Variants in CD274 observed in about 807,000 individuals in gnomAD.
CD274 encodes the protein CD274 molecule, also known as programmed cell death 1 ligand 1.
Under a neutral mutation model 30.1 loss-of-function variants are expected in CD274, and 8 were observed. That is an observed-to-expected ratio of 0.27 (90% confidence interval 0.16 to 0.48). CD274 has a LOEUF of 0.48. Among genes scored for constraint, CD274 ranks in the 20% least tolerant of loss-of-function variants. The pLI, the probability that CD274 is intolerant of heterozygous loss-of-function variation, is 0.99. For missense variants in CD274, 353 were observed against 346.6 expected, an observed-to-expected ratio of 1.02 and a Z score of -0.15; for synonymous variants, 152 against 124.6, an observed-to-expected ratio of 1.22 and a Z score of -1.46.
chr9:5,460,718 T>C (rs1563804096), intron 3 of CD274, among the ~76,000 whole-genome samples: 1 of 152,190 alleles, frequency 6.6e-6, no homozygotes, highest in Non-Finnish European at 1.5e-5. Flanking sequence ...TATGTTGACT[T>C]CAAAACTATC....
At chr9:5,456,689 A>T (rs1819310273) in intron 2 of CD274, among the ~76,000 whole-genome samples, 1 of 152,262 alleles carries the variant, frequency 6.6e-6, no homozygotes, top group African/African-American at 2.4e-5. Flanking sequence ...AAAAGAGATG[A>T]CTGTTAGAAT....
rs1229190468 is a variant in CD274, at chr9:5,469,518, A to T, written c.*1656A>T. The T allele has an allele frequency of 8.6e-6, 2 of 231,282 alleles. No individual in the cohort carries two copies. The highest frequency in any genetic ancestry group is 1.2e-4 in the East Asian group (2 of 16,240). The allele number at this position is 231,282 out of a possible 1,614,324, so 14.3% of individuals were successfully genotyped here. A position where few individuals can be genotyped will look rare whatever the true frequency, so the allele number is the denominator to read the frequency against. ...AAATTTTTTTCCTAAATAGTAACAC[A>T]TTGTATGTCTGCTGTGTACTTTGCT... On this transcript the variant is annotated 3_prime_UTR_variant, in exon 7 of 7. Transcript: ENST00000381577.
At chr9:5,458,630 A>T (rs567021858) in intron 3 of CD274, among the ~76,000 whole-genome samples, 1 of 152,368 alleles carries the variant, frequency 6.6e-6, no homozygotes, top group South Asian at 2.1e-4. Flanking sequence ...TGATAACTAT[A>T]AACTCAAAAA....
chr9:5,464,167 G>C (rs548837397), intron 4 of CD274, among the ~76,000 whole-genome samples: 1 of 152,136 alleles, frequency 6.6e-6, no homozygotes, highest in African/African-American at 2.4e-5. Context: ...ACTGGGGTAC[G>C]AGTCCTCAGG....
At chr9:5,459,768 G>A (rs1799726739) in intron 3 of CD274, among the ~76,000 whole-genome samples, 1 of 152,108 alleles carries the variant, frequency 6.6e-6, no homozygotes, top group Non-Finnish European at 1.5e-5. Flanking sequence ...AAAACGAAAT[G>A]TTCATTCAGA....
At chr9:5,460,407 A>G (rs1819383291) in intron 3 of CD274, among the ~76,000 whole-genome samples, 1 of 152,068 alleles carries the variant, frequency 6.6e-6, no homozygotes. Context: ...TCCTCCTGGA[A>G]ATGACTCTAG....
intron 3 of CD274, 150 bp downstream of exon 3, chr9:5,457,570 T>A (rs989841193): frequency 1.8e-5 from 12 of 674,556 alleles, no homozygotes; most frequent in Non-Finnish European, 2.7e-5. Flanking sequence ...TTCATTCACA[T>A]AATTATCCAA....
Position 5,457,260 on chromosome 9 carries a change from T to C in CD274, c.234T>C (p.His78=), listed in dbSNP as rs2131212082. 3 of 1,614,052 alleles carry C rather than the reference T, an allele frequency of 1.9e-6. No individual in the cohort carries two copies. Among genetic ancestry groups the C allele is most frequent in the Non-Finnish European group, 2.5e-6 (3 of 1,179,978 alleles). Residue 78 remains histidine (H), a synonymous_variant, in exon 3 of 7, where the codon CAT becomes CAC. Coordinates refer to ENST00000381577, the MANE Select transcript of CD274 (RefSeq NM_014143.4). The part of the protein sequence containing the change: ...VHGEEDLKVQ[H]SSYRQRARLL... The stretch of plus-strand genomic sequence containing the variant: ...GAGAGGAAGACCTGAAGGTTCAGCA[T>C]AGTAGCTACAGACAGAGGGCCCGGC...
chr9:5,462,866 G>A lies in CD274; in HGVS notation c.427G>A (p.Val143Ile), dbSNP rs1442730971. Residue 143 changes from valine to isoleucine, a missense_variant, in exon 4 of 7, where the codon GTT (valine) becomes ATT (isoleucine). Physicochemically the swap from Val to Ile is conservative, Grantham distance 29 (BLOSUM62 3). Transcript: ENST00000381577. ...PYNKINQRIL[V>I]VDPVTSEHEL... is the part of the protein sequence containing the mutation. ...CAACAAAATCAACCAAAGAATTTTGGTTGTGGATCCAGTCACCTCTGAACA... is the reference window on the plus strand; with the variant it reads ...CAACAAAATCAACCAAAGAATTTTGATTGTGGATCCAGTCACCTCTGAACA... 2.5e-6 allele frequency: 4 copies of A among 1,613,552 alleles called. No individual in the cohort carries two copies. Among genetic ancestry groups the A allele is most frequent in the Non-Finnish European group, 3.4e-6 (4 of 1,179,692 alleles).
intron 3 of CD274, among the ~76,000 whole-genome samples, chr9:5,460,851 G>C (rs1306988608): frequency 1.3e-5 from 2 of 152,226 alleles, no homozygotes; most frequent in African/African-American, 4.8e-5. Context: ...GCACATTTGT[G>C]TGTAATTATA....
At chr9:5,462,100 T>G (rs1819414616) in intron 3 of CD274, among the ~76,000 whole-genome samples, 1 of 152,208 alleles carries the variant, frequency 6.6e-6, no homozygotes, top group Admixed American at 6.5e-5. Context: ...TGCAACTTTT[T>G]TGTAAATTTA....
In CD274 at chr9:5,469,762, G is replaced by A. The variant is rs1297528365; in HGVS notation, c.*1900G>A. The A allele has an allele frequency of 8.6e-6, 2 of 232,584 alleles. No individual in the cohort carries two copies. The highest frequency in any genetic ancestry group is 4.4e-5 in the African/African-American group (2 of 45,268). The allele number at this position is 232,584 out of a possible 1,614,324, so 14.4% of individuals were successfully genotyped here. A position where few individuals can be genotyped will look rare whatever the true frequency, so the allele number is the denominator to read the frequency against. The stretch of plus-strand genomic sequence containing the variant: ...TAGGACAGAGTTTGGATTTGTTTAT[G>A]TTTGCTCAAAAGGAGACCCATGGGC... On this transcript the variant is annotated 3_prime_UTR_variant, in exon 7 of 7. Transcript: ENST00000381577.
rs2131211665 is a variant in CD274 at position 5,457,193 on chromosome 9, A to T, written c.167A>T (p.Tyr56Phe). 6.2e-7 allele frequency: 1 copy of T among 1,614,012 alleles called. No homozygotes were observed. Among genetic ancestry groups the T allele is most frequent in the East Asian group, 2.2e-5 (1 of 44,886 alleles). ...TTAGACCTGGCTGCACTAATTGTCTATTGGGAAATGGAGGATAAGAACATT... is the reference window on the plus strand; with the variant it reads ...TTAGACCTGGCTGCACTAATTGTCTTTTGGGAAATGGAGGATAAGAACATT... The part of the protein sequence containing the change: ...KQLDLAALIV[Y>F]WEMEDKNIIQ... The change falls in exon 3 of 7, where the codon TAT becomes TTT. Residue 56 changes from tyrosine to phenylalanine, a missense_variant. Physicochemically the swap from Tyr to Phe is conservative, Grantham distance 22. Transcript: ENST00000381577.
At chr9:5,466,714 T>A (rs1489004222) in intron 5 of CD274, 56 bp from the exon 6 acceptor site, 1 of 1,305,968 alleles carries the variant, frequency 7.7e-7, no homozygotes, top group Admixed American at 1.9e-5. Context: ...CTTGGGTCAC[T>A]GTATGGGATG....
In CD274 at chr9:5,463,054, G is replaced by GTCTA. The variant is rs1819434810; in HGVS notation, c.615_616insTCTA (p.Ile206SerfsTer8). The GTCTA allele has an allele frequency of 6.2e-7, 1 of 1,613,774 alleles. No individual in the cohort carries two copies. The highest frequency in any genetic ancestry group is 1.3e-5 in the African/African-American group (1 of 74,906). On this transcript the variant is annotated frameshift_variant, in exon 4 of 7. Coordinates refer to ENST00000381577, the MANE Select transcript of CD274 (RefSeq NM_014143.4). LOFTEE classifies it high-confidence loss of function. ...TGAGAATCAACACAACAACTAATGA[G>GTCTA]ATTTTCTACTGCACTTTTAGGAGAT...
At position 5,470,221 on chromosome 9, in the gene CD274, A is replaced by G. The variant is rs900606811; in HGVS notation, c.*2359A>G. The G allele has an allele frequency of 8.6e-6, 2 of 232,718 alleles. No homozygotes were observed. The highest frequency in any genetic ancestry group is 1.7e-5 in the Non-Finnish European group (2 of 117,750). The allele number at this position is 232,718 out of a possible 1,614,324, so 14.4% of individuals were successfully genotyped here. A position where few individuals can be genotyped will look rare whatever the true frequency, so the allele number is the denominator to read the frequency against. On this transcript the variant is annotated 3_prime_UTR_variant, in exon 7 of 7. Coordinates refer to ENST00000381577, the MANE Select transcript of CD274 (RefSeq NM_014143.4). ...AGCTCCTTGTGTTATCTGTTTGTACATGTGCATTTGTACAGTAATTGGTGT... is the reference window on the plus strand; with the variant it reads ...AGCTCCTTGTGTTATCTGTTTGTACGTGTGCATTTGTACAGTAATTGGTGT...
In CD274 at chr9:5,466,805, G is replaced by C. The variant is rs752493356; in HGVS notation, c.826G>C (p.Asp276His). 6.2e-7 allele frequency: 1 copy of C among 1,611,066 alleles called. No homozygotes were observed. Among genetic ancestry groups the C allele is most frequent in the Admixed American group, 1.7e-5 (1 of 59,496 alleles). ...MMDVKKCGIQDTNSKKQSDTH... is the reference protein window; with the variant it reads ...MMDVKKCGIQHTNSKKQSDTH... ...GGATGTGAAAAAATGTGGCATCCAA[G>C]ATACAAACTCAAAGAAGCAAAGTGG... is the stretch of plus-strand genomic sequence containing the variant. The change falls in exon 6 of 7, where the codon GAT (aspartate) becomes CAT (histidine). Residue 276 changes from aspartate (D) to histidine (H), a missense_variant. Coordinates refer to ENST00000381577, the MANE Select transcript of CD274 (RefSeq NM_014143.4).
Position 5,465,488 on chromosome 9 carries a change from T to C in CD274, c.683-11T>C. On this transcript the variant is annotated splice_polypyrimidine_tract_variant and intron_variant, in intron 4 of 6. Coordinates refer to ENST00000381577, the MANE Select transcript of CD274 (RefSeq NM_014143.4). ...TTAGTCAGTTTGTTTTCGTTTTGTT[T>C]TGTTTTTCAGAACTACCTCTGGCAC... 1 of 1,547,600 alleles carries C rather than the reference T, an allele frequency of 6.5e-7. No individual in the cohort carries two copies. The highest frequency in any genetic ancestry group is 8.9e-7 in the Non-Finnish European group (1 of 1,120,024).
Position 5,468,466 on chromosome 9 carries a change from G to C in CD274, c.*604G>C, listed in dbSNP as rs146262113. On this transcript the variant is annotated 3_prime_UTR_variant, in exon 7 of 7. Coordinates refer to ENST00000381577, the MANE Select transcript of CD274 (RefSeq NM_014143.4). ...ATTTGCTCACATCTAGTAAAACATG[G>C]AGTATTTGTAAGGTGCTTGGTCTCC... 292 of 233,184 alleles carry C rather than the reference G, an allele frequency of 1.3e-3. 1 individual carries two copies. The highest frequency in any genetic ancestry group is 4.7e-3 in the South Asian group (26 of 5,530). The allele number at this position is 233,184 out of a possible 1,614,324, so 14.4% of individuals were successfully genotyped here. A position where few individuals can be genotyped will look rare whatever the true frequency, so the allele number is the denominator to read the frequency against.
Sources: gnomAD v4.1 joint callset for allele counts (sites outside exome capture counted in the v4.1 genomes callset) on GRCh38, gnomAD v4.1.1 for gene constraint, MANE v1.5 for transcripts, NCBI Gene and HGNC (gene_info 2026-07-23, HGNC 2026-07-21) for gene names.